The following MCM9 variants were observed in gnomAD, a reference collection of about 807,000 sequenced individuals.
The protein encoded by MCM9 is minichromosome maintenance 9 homologous recombination repair factor.
MCM9 carries 55 observed loss-of-function variants against 72.8 expected under a neutral mutation model. That is an observed-to-expected ratio of 0.76 (90% CI 0.61 to 0.95). The LOEUF (loss-of-function observed/expected upper bound fraction) is 0.95, where lower values mean the gene tolerates loss of function less well. MCM9 is among the 40% of genes least tolerant of loss of function. The pLI, the probability that MCM9 is intolerant of heterozygous loss-of-function variation, is 0.00. For missense variants in MCM9, 1,279 were observed against 1,377.0 expected, an observed-to-expected ratio of 0.93 and a Z score of 1.13; for synonymous variants, 480 against 503.4, an observed-to-expected ratio of 0.95 and a Z score of 0.62.
At chr6:118,854,685 G>A (rs911344273) in intron 9 of MCM9, among the ~76,000 whole-genome samples, 1 of 152,186 alleles carries the variant, frequency 6.6e-6, no homozygotes, top group Non-Finnish European at 1.5e-5. Context: ...CATTTAAACA[G>A]GGAAAGAAAC....
chr6:118,828,660 C>T (rs1196554566), intron 10 of MCM9, among the ~76,000 whole-genome samples: 3 of 152,226 alleles, frequency 2.0e-5, no homozygotes, highest in African/African-American at 4.8e-5. Context: ...GCTGGGATTA[C>T]AGGCGTGAGC....
At chr6:118,878,850 C>T (rs1397807029) in intron 8 of MCM9, among the ~76,000 whole-genome samples, 2 of 152,060 alleles carry the variant, frequency 1.3e-5, no homozygotes, top group South Asian at 2.1e-4. Flanking sequence ...TGAGCTCAGA[C>T]GTTCAAGACC....
intron 4 of MCM9, 129 bp downstream of exon 4, chr6:118,923,682 G>T: frequency 1.2e-6 from 1 of 803,484 alleles, no homozygotes; most frequent in Non-Finnish European, 2.0e-6. Context: ...ACAGTTTCGA[G>T]CTTGATCTTC....
chr6:118,931,544 C>T lies in MCM9; in HGVS notation c.180G>A (p.Met60Ile). The T allele has an allele frequency of 1.9e-6, 3 of 1,614,098 alleles. No homozygotes were observed. Among genetic ancestry groups the T allele is most frequent in the Non-Finnish European group, 2.5e-6 (3 of 1,180,002 alleles). ...AAATTGTAAGCACTTCACTGGGGAACATGTTGAAATATTCCCCGATTTCCA... is the reference window on the plus strand; with the variant it reads ...AAATTGTAAGCACTTCACTGGGGAATATGTTGAAATATTCCCCGATTTCCA... Reference protein sequence around the residue: ...TNMEIGEYFNMFPSEVLTIFD... With the variant: ...TNMEIGEYFNIFPSEVLTIFD... Residue 60 changes from methionine (M) to isoleucine (I), a missense_variant, in exon 3 of 14, where the codon ATG (methionine) becomes ATA (isoleucine). Met to Ile is a conservative substitution (Grantham distance 10). Coordinates refer to ENST00000619706, the MANE Select transcript of MCM9 (RefSeq NM_017696.3).
Position 118,814,972 on chromosome 6 carries a change from G to C in MCM9, c.3284C>G (p.Pro1095Arg). 1 of 1,550,442 alleles carries C rather than the reference G, an allele frequency of 6.4e-7. No individual in the cohort carries two copies. The highest frequency in any genetic ancestry group is 8.7e-7 in the Non-Finnish European group (1 of 1,146,950). ...GPSSPPTTTA[P>R]MRVSKRKSFQ... is the part of the protein sequence containing the mutation. ...AGATTTCCTTTTACTGACACGCATT[G>C]GAGCTGTGGTTGTAGGAGGGGAGCT... The change falls in exon 14 of 14, where the codon CCA becomes CGA. Residue 1095 changes from proline to arginine, a missense_variant. Pro to Arg is a moderately radical substitution (Grantham distance 103). Coordinates refer to ENST00000619706, the MANE Select transcript of MCM9 (RefSeq NM_017696.3).
In MCM9 at chr6:118,923,925, T is replaced by A; in HGVS notation, c.507A>T (p.Pro169=). ...DFEQYYTFCR[P]SSCPSLESCD... is the part of the protein sequence containing the mutation. Reference sequence around the variant, plus strand: ...AGCTCTCCAAGCTGGGACACGAGGATGGCCGGCAAAAGGTGTAATACTGCT... The same window carrying A: ...AGCTCTCCAAGCTGGGACACGAGGAAGGCCGGCAAAAGGTGTAATACTGCT... Residue 169 remains proline (P), a synonymous_variant, in exon 4 of 14, where the codon CCA becomes CCT. Coordinates refer to ENST00000619706, the MANE Select transcript of MCM9 (RefSeq NM_017696.3). 6.2e-7 allele frequency: 1 copy of A among 1,614,222 alleles called. No individual in the cohort carries two copies. The highest frequency in any genetic ancestry group is 8.5e-7 in the Non-Finnish European group (1 of 1,180,030).
At chr6:118,838,159 CTTTTTTTTTT>C (rs759862698) in intron 9 of MCM9, among the ~76,000 whole-genome samples, 2 of 119,712 alleles carry the variant, frequency 1.7e-5, no homozygotes, top group African/African-American at 6.4e-5. Flanking sequence ...GTTGAAAATT[CTTTTTTTTTT>C]TTTTTTTTTG....
chr6:118,911,625 T>C (rs1266762883), intron 8 of MCM9, 25 bp downstream of exon 8: 4 of 1,593,538 alleles, frequency 2.5e-6, no homozygotes, highest in African/African-American at 1.3e-5. Context: ...AATGTTAAAT[T>C]ACTTGAAATT....
chr6:118,827,535 T>G lies in MCM9; in HGVS notation c.1732+392A>C, dbSNP rs949507420. Among the ~76,000 whole-genome samples, 12 of 152,306 alleles carry G rather than the reference T, an allele frequency of 7.9e-5. No individual in the cohort carries two copies. In the East Asian group the frequency reaches 2.3e-3, roughly 29 times the overall value. ...GGTTGCTATAATGACAGGGGTGGAC[T>G]GCAACTGGCAATTAATGAGCAAGAA... On this transcript the variant is annotated intron_variant, in intron 11 of 13. Coordinates refer to ENST00000619706, the MANE Select transcript of MCM9 (RefSeq NM_017696.3).
rs891215054 is a variant in MCM9, at chr6:118,835,589, G to A, written c.1326-6339C>T. Among the ~76,000 whole-genome samples, 6 of 152,224 alleles carry A rather than the reference G, an allele frequency of 3.9e-5. No homozygotes were observed. In the East Asian group the frequency reaches 7.7e-4, roughly 20 times the overall value. On this transcript the variant is annotated intron_variant, in intron 9 of 13. Transcript: ENST00000619706. The stretch of plus-strand genomic sequence containing the variant: ...ACATCCCTTGTAAGTTGTATTCCTA[G>A]GTATTTTATTCTCTTTGTAGCAATT...
rs1562395193 is a variant in MCM9 at position 118,814,882 on chromosome 6, TC to T, written c.3373del (p.Glu1125AsnfsTer2). ...VSKESLFTLPELGDEAFDCDW... is the reference protein window; with the variant it reads ...VSKESLFTLPXLGDEAFDCDW... ...ACAATCAAATGCTTCATCACCTAGT[TC>T]TGGTAAAGTGAAGAGGGATTCTTTG... On this transcript the variant is annotated frameshift_variant, in exon 14 of 14. Transcript: ENST00000619706. LOFTEE classifies it high-confidence loss of function. 1 of 1,544,932 alleles carries T rather than the reference TC, an allele frequency of 6.5e-7. No homozygotes were observed. The highest frequency in any genetic ancestry group is 8.7e-7 in the Non-Finnish European group (1 of 1,144,800).
intron 9 of MCM9, among the ~76,000 whole-genome samples, chr6:118,851,633 T>G (rs1405037086): frequency 6.6e-6 from 1 of 151,700 alleles, no homozygotes; most frequent in Non-Finnish European, 1.5e-5. Flanking sequence ...TTAAATGAAA[T>G]CTATGTGTTA....
rs1777660733 is a variant in MCM9, at chr6:118,872,389, A to G, written c.1151-15844T>C. On this transcript the variant is annotated intron_variant, in intron 8 of 13. Coordinates refer to ENST00000619706, the MANE Select transcript of MCM9 (RefSeq NM_017696.3). Reference sequence around the variant, plus strand: ...AAAATATCTGAAGACTGAACAAAACAGTTCTAAATAACACATGGTTCAAAG... The same window carrying G: ...AAAATATCTGAAGACTGAACAAAACGGTTCTAAATAACACATGGTTCAAAG... 2.0e-5 allele frequency among the ~76,000 whole-genome samples: 3 copies of G among 152,188 alleles called. No homozygotes were observed. The South Asian group carries it at 6.2e-4, about 32-fold the overall frequency.
At chr6:118,865,661 A>G (rs1777171326) in intron 8 of MCM9, among the ~76,000 whole-genome samples, 1 of 152,174 alleles carries the variant, frequency 6.6e-6, no homozygotes, top group Admixed American at 6.5e-5. Context: ...ACAGAGCTTG[A>G]CACTTCATGA....
At chr6:118,924,997 T>A (rs1344798159) in intron 3 of MCM9, among the ~76,000 whole-genome samples, 3 of 150,518 alleles carry the variant, frequency 2.0e-5, no homozygotes, top group Non-Finnish European at 4.4e-5. Context: ...GTAACCATGG[T>A]CACTCCACTG....
At chr6:118,923,668 T>C (rs1275930319) in intron 4 of MCM9, 143 bp downstream of exon 4, 4 of 696,498 alleles carry the variant, frequency 5.7e-6, no homozygotes, top group African/African-American at 1.8e-5. Context: ...CAGATATATG[T>C]GGAACAGTTT....
intron 9 of MCM9, among the ~76,000 whole-genome samples, chr6:118,850,901 T>C (rs1776175501): frequency 6.6e-6 from 1 of 151,848 alleles, no homozygotes. Flanking sequence ...CATAGCTCAT[T>C]GCAGCCTTGA....
chr6:118,861,326 G>A (rs1212262649), intron 8 of MCM9, among the ~76,000 whole-genome samples: 12 of 152,230 alleles, frequency 7.9e-5, no homozygotes, highest in Non-Finnish European at 4.4e-5. Flanking sequence ...GAGCCCCAAT[G>A]TTTGGGCAGC....
At chr6:118,890,657 T>C (rs966413931) in intron 8 of MCM9, among the ~76,000 whole-genome samples, 11 of 152,228 alleles carry the variant, frequency 7.2e-5, no homozygotes, top group African/African-American at 1.9e-4. Context: ...GAATTATTAT[T>C]GAAATCATTA....
Sources: gnomAD v4.1 joint callset for allele counts (sites outside exome capture counted in the v4.1 genomes callset) on GRCh38, gnomAD v4.1.1 for gene constraint, MANE v1.5 for transcripts, NCBI Gene and HGNC (gene_info 2026-07-23, HGNC 2026-07-21) for gene names.